Variants in ZNF587B observed in about 807,000 individuals in gnomAD.
ZNF587B encodes the protein zinc finger protein 587B.
Under a neutral mutation model 7.2 loss-of-function variants are expected in ZNF587B, and 6 were observed. The observed-to-expected ratio is 0.83, with a 90% CI of 0.46 to 1.65. ZNF587B has a LOEUF of 1.65. Ranked by LOEUF, ZNF587B falls within the 40% of genes most tolerant of loss-of-function variation. The pLI, the probability that ZNF587B is intolerant of heterozygous loss-of-function variation, is 0.01. For missense variants in ZNF587B, 749 were observed against 761.0 expected (o/e 0.98, Z 0.19); for synonymous variants, 274 against 254.3 (o/e 1.08, Z -0.74).
rs544903369 is a variant in ZNF587B at position 57,832,708 on chromosome 19, A to G, written c.36+2144A>G. 2.6e-5 allele frequency among the ~76,000 whole-genome samples: 4 copies of G among 152,356 alleles called. No individual in the cohort carries two copies. In the South Asian group the frequency reaches 6.2e-4, roughly 24 times the overall value. On this transcript the variant is annotated intron_variant, in intron 1 of 2. Transcript: ENST00000594901. ...TCCTTCTTAGGAAGAGTTTCCAGGT[A>G]TTTGAAAGGACCCGGGTGTTGTGAT... is the stretch of plus-strand genomic sequence containing the variant.
At position 57,830,493 on chromosome 19, in the gene ZNF587B, C is replaced by T. The variant is rs1365191675; in HGVS notation, c.-36C>T. On this transcript the variant is annotated 5_prime_UTR_variant, in exon 1 of 3. Transcript: ENST00000594901. ...TGCCCATATCTCCTGGCTGGTCACC[C>T]TCTCCTCCCAACCCTGCTTTAAACC... 7 of 1,548,050 alleles carry T rather than the reference C, an allele frequency of 4.5e-6. No individual in the cohort carries two copies. The East Asian group carries it at 1.7e-4, about 38-fold the overall frequency.
chr19:57,838,997 G>A (rs750404655), intron 1 of ZNF587B, 26 bp from the exon 2 acceptor site: 11 of 1,609,052 alleles, frequency 6.8e-6, no homozygotes, highest in East Asian at 6.7e-5. Flanking sequence ...GGTGGTTTGT[G>A]GTTTCATCTG....
At chr19:57,834,899 T>C (rs1318350452) in intron 1 of ZNF587B, among the ~76,000 whole-genome samples, 1 of 120,794 alleles carries the variant, frequency 8.3e-6, no homozygotes, top group Non-Finnish European at 1.7e-5. Flanking sequence ...TGGGTGCAGC[T>C]TTCTATTCCA....
intron 1 of ZNF587B, among the ~76,000 whole-genome samples, chr19:57,832,852 A>G (rs1399525018): frequency 2.0e-5 from 3 of 152,270 alleles, no homozygotes; most frequent in African/African-American, 2.4e-5. Flanking sequence ...TCCCTTGATT[A>G]ACATAACAGG....
At chr19:57,838,895 G>A in intron 1 of ZNF587B, 128 bp from the exon 2 acceptor site, 1 of 1,358,516 alleles carries the variant, frequency 7.4e-7, no homozygotes, top group Admixed American at 2.1e-5. Flanking sequence ...CATGACCAGT[G>A]GGCCTAGTTT....
At position 57,843,240 on chromosome 19, in the gene ZNF587B, C is replaced by T. The variant is rs995424786; in HGVS notation, c.*664C>T. ...CTCCTGAGCTCAAGCAATCTGTACA[C>T]CTCAGCCTCCCAAAGTGCTGAGATT... On this transcript the variant is annotated 3_prime_UTR_variant, in exon 3 of 3. Transcript: ENST00000594901. The T allele has an allele frequency of 2.1e-6, 2 of 942,828 alleles. No homozygotes were observed. The highest frequency in any genetic ancestry group is 1.3e-6 in the Non-Finnish European group (1 of 791,080). 58.4% of individuals were successfully genotyped at this position (942,828 alleles called of 1,614,324 possible). A position where few individuals can be genotyped will look rare whatever the true frequency, so the allele number is the denominator to read the frequency against.
At chr19:57,840,168 C>A (rs1305912001) in intron 2 of ZNF587B, among the ~76,000 whole-genome samples, 1 of 149,276 alleles carries the variant, frequency 6.7e-6, no homozygotes, top group African/African-American at 2.5e-5. Context: ...ATACCAGGAA[C>A]CTATTCTACT....
Position 57,840,075 on chromosome 19 carries a change from CAAAAAAAAAAAAAAAAAAAAAAAAAA to C in ZNF587B, c.164-751_164-726del, listed in dbSNP as rs774635301. ...GGGCAACAGAGCGAGACTCTGTCTC[CAAAAAAAAAAAAAAAAAAAAAAAAAA>C]AAAAAAAAAAAGCAGCACCCTGGAG... On this transcript the variant is annotated intron_variant, in intron 2 of 2. Transcript: ENST00000594901. Among the ~76,000 whole-genome samples, 21 of 81,110 alleles carry C rather than the reference CAAAAAAAAAAAAAAAAAAAAAAAAAA, an allele frequency of 2.6e-4. 2 individuals carry two copies. The highest frequency in any genetic ancestry group is 9.4e-4 in the African/African-American group (21 of 22,276). 53.2% of individuals were successfully genotyped at this position (81,110 alleles called of 152,430 possible). A position where few individuals can be genotyped will look rare whatever the true frequency, so the allele number is the denominator to read the frequency against.
chr19:57,830,322 G>C lies in ZNF587B; in HGVS notation c.-207G>C, dbSNP rs573057400. 2.3e-4 allele frequency: 120 copies of C among 531,904 alleles called. 1 individual carries two copies. The South Asian group carries it at 3.1e-3, about 14-fold the overall frequency. The allele number at this position is 531,904 out of a possible 1,614,324, so 32.9% of individuals were successfully genotyped here. The stretch of plus-strand genomic sequence containing the variant: ...TTGATTGGTGTTGGGTTTATTTGTC[G>C]GAGAGGCTCCTGAGCGCTAGGTCGG... On this transcript the variant is annotated 5_prime_UTR_variant, in exon 1 of 3. Transcript: ENST00000594901.
Position 57,841,980 on chromosome 19 carries a change from A to G in ZNF587B, c.1306A>G (p.Arg436Gly). The G allele has an allele frequency of 6.2e-7, 1 of 1,608,656 alleles. No homozygotes were observed. Among genetic ancestry groups the G allele is most frequent in the Non-Finnish European group, 8.5e-7 (1 of 1,177,312 alleles). ...TCATCAGCGAGTTCACACTACAGAA[A>G]GACCTTATAAGTGTGGGGAATGTGG... ...RSHQRVHTTE[R>G]PYKCGECGKC... Residue 436 changes from arginine (R) to glycine (G), a missense_variant, in exon 3 of 3, where the codon AGA becomes GGA. Physicochemically the swap from Arg to Gly is moderately radical, Grantham distance 125. Coordinates refer to ENST00000594901, the MANE Select transcript of ZNF587B (RefSeq NM_001376223.1).
In ZNF587B at chr19:57,840,774, G is replaced by A. The variant is rs546548732; in HGVS notation, c.164-64G>A. ...ATTCCTCAGTTTTTCACATACACTT[G>A]TGGGTGGTCTGTGCCTTCCCACCAG... On this transcript the variant is annotated intron_variant, in intron 2 of 2. Coordinates refer to ENST00000594901, the MANE Select transcript of ZNF587B (RefSeq NM_001376223.1). 60 of 1,602,700 alleles carry A rather than the reference G, an allele frequency of 3.7e-5. No individual in the cohort carries two copies. The South Asian group carries it at 5.4e-4, about 14-fold the overall frequency.
chr19:57,842,623 CTGAG>C lies in ZNF587B; in HGVS notation c.*49_*52del. 7.2e-7 allele frequency: 1 copy of C among 1,387,098 alleles called. No individual in the cohort carries two copies. The allele number at this position is 1,387,098 out of a possible 1,614,324, so 85.9% of individuals were successfully genotyped here. On this transcript the variant is annotated 3_prime_UTR_variant, in exon 3 of 3. Transcript: ENST00000594901. ...TCATTAAATACAGGAGAGCACACAC[CTGAG>C]TAAGATCTTGTGATTGCAGCAAATG...
chr19:57,838,044 C>T (rs2122227243), intron 1 of ZNF587B, among the ~76,000 whole-genome samples: 1 of 152,252 alleles, frequency 6.6e-6, no homozygotes, highest in Non-Finnish European at 1.5e-5. Flanking sequence ...CACAGTGCCT[C>T]ATGCCTGTAG....
Position 57,844,780 on chromosome 19 carries a change from T to C in ZNF587B, c.*2204T>C, listed in dbSNP as rs541447063. On this transcript the variant is annotated 3_prime_UTR_variant, in exon 3 of 3. Coordinates refer to ENST00000594901, the MANE Select transcript of ZNF587B (RefSeq NM_001376223.1). ...CCAGACAAAATTCTCTCTTATGAGG[T>C]ATATTGCACTGTGCTCGGTACTGTT... The C allele has an allele frequency of 5.6e-4, 85 of 152,448 alleles. No individual in the cohort carries two copies. Among genetic ancestry groups the C allele is most frequent in the African/African-American group, 1.8e-3 (76 of 41,554 alleles). The allele number at this position is 152,448 out of a possible 1,614,324, so 9.4% of individuals were successfully genotyped here. A position where few individuals can be genotyped will look rare whatever the true frequency, so the allele number is the denominator to read the frequency against.
rs1988877237 is a variant in ZNF587B, at chr19:57,841,959, C to T, written c.1285C>T (p.Gln429Ter). ...TGAAAAAGGACACCTTAGGAGTCAT[C>T]AGCGAGTTCACACTACAGAAAGACC... ...FNEKGHLRSH[Q>*]RVHTTERPYK... The change falls in exon 3 of 3, where the codon CAG becomes TAG. Residue 429 changes from glutamine (Q) to a stop codon, truncating the protein, a stop_gained. Coordinates refer to ENST00000594901, the MANE Select transcript of ZNF587B (RefSeq NM_001376223.1). LOFTEE classifies it low-confidence loss of function (END_TRUNC). 6 of 1,611,420 alleles carry T rather than the reference C, an allele frequency of 3.7e-6. No homozygotes were observed. The highest frequency in any genetic ancestry group is 4.2e-6 in the Non-Finnish European group (5 of 1,178,806).
rs755850744 is a variant in ZNF587B, at chr19:57,841,711, G to T, written c.1037G>T (p.Arg346Leu). ...AACGTGAACCTTAAGAGTCATCAGCGCATTCACACTGGAGAGAGACCTTAC... is the reference window on the plus strand; with the variant it reads ...AACGTGAACCTTAAGAGTCATCAGCTCATTCACACTGGAGAGAGACCTTAC... ...SSNVNLKSHQRIHTGERPYKC... is the reference protein window; with the variant it reads ...SSNVNLKSHQLIHTGERPYKC... The change falls in exon 3 of 3, where the codon CGC becomes CTC. Residue 346 changes from arginine (R) to leucine (L), a missense_variant. By Grantham distance (102) the Arg-to-Leu change is moderately radical. Transcript: ENST00000594901. The T allele has an allele frequency of 1.1e-5, 18 of 1,606,790 alleles. No homozygotes were observed. In the South Asian group the frequency reaches 1.8e-4, roughly 16 times the overall value.
chr19:57,832,040 A>T lies in ZNF587B; in HGVS notation c.36+1476A>T, dbSNP rs542445096. On this transcript the variant is annotated intron_variant, in intron 1 of 2. Transcript: ENST00000594901. ...TTTTTATTTGTTTACTAAACAAAAC[A>T]TCTTACCCTTTATAGCAGAGTGCCC... 1.1e-4 allele frequency among the ~76,000 whole-genome samples: 16 copies of T among 151,444 alleles called. No individual in the cohort carries two copies. The East Asian group carries it at 3.2e-3, about 30-fold the overall frequency.
rs571763454 is a variant in ZNF587B, at chr19:57,841,052, G to C, written c.378G>C (p.Gly126=). The C allele has an allele frequency of 2.5e-4, 398 of 1,613,354 alleles. 1 individual carries two copies. In the African/African-American group the frequency reaches 5.1e-3, roughly 20 times the overall value. Residue 126 remains glycine, a synonymous_variant, in exon 3 of 3, where the codon GGG becomes GGC. Coordinates refer to ENST00000594901, the MANE Select transcript of ZNF587B (RefSeq NM_001376223.1). ...AACTGCACAGGTGTGAGGCCTGGGG[G>C]AATAAATTGTATGACAGTGGAAACT... ...KQKLHRCEAW[G]NKLYDSGNFH... is the part of the protein sequence containing the mutation.
chr19:57,841,484 T>A lies in ZNF587B; in HGVS notation c.810T>A (p.Tyr270Ter). The change falls in exon 3 of 3, where the codon TAT becomes TAA. Residue 270 changes from tyrosine to a stop codon, truncating the protein, a stop_gained. Transcript: ENST00000594901. LOFTEE classifies it low-confidence loss of function (END_TRUNC). Reference protein sequence around the residue: ...HQRVHSGKRPYECGECEKSFS... With the variant: ...HQRVHSGKRP ...GAGTTCACAGTGGAAAAAGACCTTA[T>A]GAATGTGGAGAATGTGAGAAATCTT... 6.3e-7 allele frequency: 1 copy of A among 1,586,238 alleles called. No homozygotes were observed. Among genetic ancestry groups the A allele is most frequent in the Admixed American group, 1.8e-5 (1 of 55,346 alleles).
Sources: allele counts gnomAD v4.1 joint callset (sites outside exome capture counted in the v4.1 genomes callset), GRCh38; gene constraint gnomAD v4.1.1; transcripts MANE v1.5; gene names NCBI Gene and HGNC (gene_info 2026-07-23, HGNC 2026-07-21).